The following DAB1 variants were observed in gnomAD, a reference collection of about 807,000 sequenced individuals.
The protein encoded by DAB1 is disabled homolog 1.
Under a neutral mutation model 64.6 loss-of-function variants are expected in DAB1, and 15 were observed. The ratio of observed to expected loss-of-function variants is 0.23; its 90% CI spans 0.16 to 0.36. The LOEUF (loss-of-function observed/expected upper bound fraction) is 0.36. Ranked by LOEUF, DAB1 falls within the 10% of genes least tolerant of loss-of-function variation. The pLI is 1.00. For missense variants in DAB1, 596 were observed against 706.7 expected (o/e 0.84, Z 1.78); for synonymous variants, 235 against 251.9 (o/e 0.93, Z 0.64).
intron 6 of DAB1, among the ~76,000 whole-genome samples, chr1:57,714,385 C>T (rs1400843691): frequency 6.6e-6 from 1 of 152,092 alleles, no homozygotes; most frequent in South Asian, 2.1e-4. Context: ...TTCTCTTGAA[C>T]TAAAAGATAA....
At chr1:57,507,481 C>T (rs1447667000) in intron 7 of DAB1, among the ~76,000 whole-genome samples, 1 of 152,180 alleles carries the variant, frequency 6.6e-6, no homozygotes, top group Non-Finnish European at 1.5e-5. Context: ...TAACTACAGG[C>T]CTCTCAAAGA....
chr1:58,047,943 T>C, intron 5 of DAB1: 1 of 446,296 alleles, frequency 2.2e-6, no homozygotes, highest in East Asian at 4.4e-5. Context: ...TTTGTTGGAA[T>C]GCTTTACACT....
At chr1:57,048,258 T>A (rs1047686445) in intron 9 of DAB1, among the ~76,000 whole-genome samples, 2 of 152,200 alleles carry the variant, frequency 1.3e-5, no homozygotes, top group Admixed American at 1.3e-4. Context: ...AATTAACCAG[T>A]CCCTACTCTA....
At chr1:57,690,276 T>C (rs1646748545) in intron 6 of DAB1, among the ~76,000 whole-genome samples, 1 of 152,160 alleles carries the variant, frequency 6.6e-6, no homozygotes, top group South Asian at 2.1e-4. Context: ...TTGATATGGT[T>C]TGAATTTGTG....
At chr1:57,108,420 C>G (rs765949357) in intron 4 of DAB1, among the ~76,000 whole-genome samples, 1 of 152,144 alleles carries the variant, frequency 6.6e-6, no homozygotes, top group Non-Finnish European at 1.5e-5. Flanking sequence ...TCCTTCTCAC[C>G]CTAGGATGTT....
At chr1:57,567,862 A>G (rs1474163959) in intron 7 of DAB1, among the ~76,000 whole-genome samples, 1 of 152,230 alleles carries the variant, frequency 6.6e-6, no homozygotes, top group Non-Finnish European at 1.5e-5. Context: ...AAGGTAATTT[A>G]TAGATTTAAT....
chr1:57,248,263 TA>T (rs879622378), intron 2 of DAB1, among the ~76,000 whole-genome samples: 2 of 146,168 alleles, frequency 1.4e-5, no homozygotes, highest in Admixed American at 6.9e-5. Context: ...TTGTTTTTTT[TA>T]AAAAAATACT....
intron 3 of DAB1, among the ~76,000 whole-genome samples, chr1:58,496,040 A>G (rs189645790): frequency 6.6e-6 from 1 of 152,344 alleles, no homozygotes; most frequent in East Asian, 1.9e-4. Context: ...AGAAATGTTA[A>G]CTAAATAAAA....
chr1:57,668,988 T>C (rs1646479421), intron 6 of DAB1, among the ~76,000 whole-genome samples: 1 of 152,166 alleles, frequency 6.6e-6, no homozygotes, highest in South Asian at 2.1e-4. Flanking sequence ...CTGTGAGATT[T>C]CCATGCGAGC....
At chr1:57,405,072 C>T (rs1225480732) in intron 1 of DAB1, among the ~76,000 whole-genome samples, 4 of 152,192 alleles carry the variant, frequency 2.6e-5, no homozygotes, top group Non-Finnish European at 1.5e-5. Flanking sequence ...CCACAGAATG[C>T]TGTCATTACA....
At chr1:57,466,796 G>T (rs1259571572) in intron 7 of DAB1, among the ~76,000 whole-genome samples, 3 of 152,112 alleles carry the variant, frequency 2.0e-5, no homozygotes, top group Non-Finnish European at 4.4e-5. Context: ...GTCAGCCAGG[G>T]ACTACTGTCA....
intron 1 of DAB1, among the ~76,000 whole-genome samples, chr1:57,412,364 AAGCTTAGTG>A (rs1185649616): frequency 6.6e-6 from 1 of 152,244 alleles, no homozygotes; most frequent in Non-Finnish European, 1.5e-5. Context: ...AGAAATGATT[AAGCTTAGTG>A]GGGAAGGCAT....
chr1:58,275,051 A>G (rs114986702), intron 4 of DAB1, among the ~76,000 whole-genome samples: 3,655 of 152,338 alleles, frequency 0.024, 173 homozygotes, highest in African/African-American at 0.084. Flanking sequence ...AATGATTTTT[A>G]ACAAAGGTGC....
intron 5 of DAB1, among the ~76,000 whole-genome samples, chr1:57,915,083 T>C (rs1026437060): frequency 1.4e-5 from 2 of 139,676 alleles, no homozygotes; most frequent in Non-Finnish European, 3.0e-5. Flanking sequence ...AATAGATAAG[T>C]AGATATGTAG....
intron 7 of DAB1, among the ~76,000 whole-genome samples, chr1:57,559,148 TA>T (rs1171963455): frequency 6.6e-6 from 1 of 152,204 alleles, no homozygotes; most frequent in African/African-American, 2.4e-5. Context: ...GTAATCAAAA[TA>T]GTCTGACTCA....
chr1:57,083,262 G>A (rs946802879), intron 4 of DAB1, among the ~76,000 whole-genome samples: 24 of 152,312 alleles, frequency 1.6e-4, no homozygotes, highest in African/African-American at 5.5e-4. Flanking sequence ...CTGCTGCCAG[G>A]TATGGCTGGC....
intron 1 of DAB1, among the ~76,000 whole-genome samples, chr1:57,395,754 AG>A (rs2101015911): frequency 6.9e-6 from 1 of 145,114 alleles, no homozygotes; most frequent in Admixed American, 6.8e-5. Context: ...TAGGGAATAC[AG>A]ACCTATAGCA....
At chr1:58,011,170 C>G (rs946468651) in intron 5 of DAB1, among the ~76,000 whole-genome samples, 1 of 152,070 alleles carries the variant, frequency 6.6e-6, no homozygotes, top group Non-Finnish European at 1.5e-5. Context: ...ACTTTCCTAG[C>G]CCCTCAGGGG....
chr1:58,204,011 T>C (rs1445239659), intron 4 of DAB1, among the ~76,000 whole-genome samples: 2 of 152,204 alleles, frequency 1.3e-5, no homozygotes, highest in South Asian at 2.1e-4. Flanking sequence ...AACATGGCCA[T>C]GTATCTAACT....
Sources: allele counts gnomAD v4.1 joint callset (sites outside exome capture counted in the v4.1 genomes callset), GRCh38; gene constraint gnomAD v4.1.1; transcripts MANE v1.5; gene names NCBI Gene and HGNC (gene_info 2026-07-23, HGNC 2026-07-21).